The following PGPEP1L variants were observed in gnomAD, a reference collection of about 807,000 sequenced individuals.
PGPEP1L encodes pyroglutamyl-peptidase I like, also known as pyroglutamyl-peptidase 1-like protein.
In PGPEP1L, 7 loss-of-function variants were observed where a neutral mutation model predicts 6.0. The observed-to-expected ratio is 1.17, with a 90% CI of 0.66 to 2.19. PGPEP1L has a LOEUF of 2.19. PGPEP1L is among the 30% of genes most tolerant of loss of function. The pLI, the probability that PGPEP1L is intolerant of heterozygous loss-of-function variation, is 0.00. For synonymous variants in PGPEP1L, 103 were observed against 83.9 expected, an observed-to-expected ratio of 1.23 and a Z score of -1.24; for missense variants, 209 against 192.5, an observed-to-expected ratio of 1.09 and a Z score of -0.51.
rs1200458319 is a variant in PGPEP1L at position 98,968,647 on chromosome 15, C to T, written c.260G>A (p.Cys87Tyr). Residue 87 changes from cysteine to tyrosine, a missense_variant, in exon 5 of 5, where the codon TGC (cysteine) becomes TAC (tyrosine). Coordinates refer to ENST00000535714, the MANE Select transcript of PGPEP1L (RefSeq NM_001167902.2). ...TGGAGGGACATGGATGAGTGCCGCG[C>T]AGCCCTTTCCATGATGCAGAGACAG... ...YYLSLHHGKG[C>Y]AALIHVPPLS... 18 of 1,593,620 alleles carry T rather than the reference C, an allele frequency of 1.1e-5. No homozygotes were observed. Among genetic ancestry groups the T allele is most frequent in the Admixed American group, 1.8e-5 (1 of 56,470 alleles).
chr15:98,989,665 A>G (rs2017793237), intron 2 of PGPEP1L, among the ~76,000 whole-genome samples: 1 of 152,186 alleles, frequency 6.6e-6, no homozygotes, highest in African/African-American at 2.4e-5. Flanking sequence ...GAGCAACCCC[A>G]AGACACATAA....
At chr15:99,006,952 C>A (rs1394491001) in intron 1 of PGPEP1L, among the ~76,000 whole-genome samples, 1 of 152,198 alleles carries the variant, frequency 6.6e-6, no homozygotes, top group African/African-American at 2.4e-5. Flanking sequence ...AAGCACCCTG[C>A]GGCCTCTAGA....
intron 3 of PGPEP1L, among the ~76,000 whole-genome samples, chr15:98,970,286 C>T (rs530842831): frequency 5.9e-5 from 9 of 152,244 alleles, no homozygotes; most frequent in South Asian, 2.1e-4. Flanking sequence ...TCAAGTGATC[C>T]GCCTGCCTCG....
At chr15:98,972,214 G>T (rs536176940) in intron 2 of PGPEP1L, among the ~76,000 whole-genome samples, 1 of 152,000 alleles carries the variant, frequency 6.6e-6, no homozygotes, top group Non-Finnish European at 1.5e-5. Context: ...TTAGCCAGAT[G>T]TGGTGGCAAA....
At chr15:98,980,964 G>T (rs1162149031) in intron 2 of PGPEP1L, among the ~76,000 whole-genome samples, 1 of 151,822 alleles carries the variant, frequency 6.6e-6, no homozygotes, top group Non-Finnish European at 1.5e-5. Context: ...TAACTGTATG[G>T]TAGAGAGGCC....
intron 2 of PGPEP1L, among the ~76,000 whole-genome samples, chr15:99,004,946 T>C (rs1325503686): frequency 6.6e-6 from 1 of 151,816 alleles, no homozygotes; most frequent in Non-Finnish European, 1.5e-5. Context: ...AAGTTCTTAC[T>C]CTGGAAGTGG....
intron 2 of PGPEP1L, among the ~76,000 whole-genome samples, chr15:98,986,436 T>C (rs2017748044): frequency 6.6e-6 from 1 of 152,210 alleles, no homozygotes; most frequent in African/African-American, 2.4e-5. Context: ...CAAAGCTAAG[T>C]AGAGCTTCTT....
intron 2 of PGPEP1L, among the ~76,000 whole-genome samples, chr15:98,999,631 TAGA>T (rs1262479489): frequency 6.6e-6 from 1 of 152,248 alleles, no homozygotes; most frequent in Non-Finnish European, 1.5e-5. Context: ...AAAACGTTCA[TAGA>T]AGCTTTATTT....
chr15:98,984,626 C>G (rs775573165), intron 2 of PGPEP1L, among the ~76,000 whole-genome samples: 1 of 151,464 alleles, frequency 6.6e-6, no homozygotes, highest in Non-Finnish European at 1.5e-5. Flanking sequence ...ATGATTATAC[C>G]TACTATGGAC....
intron 2 of PGPEP1L, among the ~76,000 whole-genome samples, chr15:98,975,969 A>T (rs1163768979): frequency 2.0e-5 from 3 of 152,056 alleles, no homozygotes; most frequent in Non-Finnish European, 4.4e-5. Flanking sequence ...AAGCCAGATT[A>T]AAAAAAAGAC....
At chr15:98,973,705 CTG>C (rs1174094878) in intron 2 of PGPEP1L, among the ~76,000 whole-genome samples, 3 of 152,076 alleles carry the variant, frequency 2.0e-5, no homozygotes, top group African/African-American at 7.2e-5. Flanking sequence ...ACAGCAAAAA[CTG>C]TTCTAAGAGG....
chr15:98,991,326 A>G (rs1202322032), intron 2 of PGPEP1L, among the ~76,000 whole-genome samples: 2 of 152,204 alleles, frequency 1.3e-5, no homozygotes, highest in African/African-American at 4.8e-5. Context: ...AATACTATAA[A>G]CACCTCTACA....
At chr15:99,004,445 C>T (rs545507260) in intron 2 of PGPEP1L, among the ~76,000 whole-genome samples, 16 of 151,678 alleles carry the variant, frequency 1.1e-4, no homozygotes, top group African/African-American at 2.9e-4. Flanking sequence ...TAGGGCCAGG[C>T]GCAGTGGCTC....
At chr15:98,970,714 T>A (rs1177339208) in intron 3 of PGPEP1L, among the ~76,000 whole-genome samples, 1 of 152,170 alleles carries the variant, frequency 6.6e-6, no homozygotes. Context: ...TACCTGCCCC[T>A]CATGGGTATG....
In PGPEP1L at chr15:98,969,603, C is replaced by T. The variant is rs1226356666; in HGVS notation, c.31G>A (p.Glu11Lys). ...TAGCCTTGGTTCTTGCCAGACTGTT[C>T]CAGAATGATCGCCTTGGCGGCGGTG... MDTAAKAIILEQSGKNQGYRD... is the reference protein window; with the variant it reads MDTAAKAIILKQSGKNQGYRD... Residue 11 changes from glutamate (E) to lysine (K), a missense_variant, in exon 4 of 5, where the codon GAA becomes AAA. By Grantham distance (56) the Glu-to-Lys change is moderately conservative (BLOSUM62 1). Transcript: ENST00000535714. The T allele has an allele frequency of 6.2e-7, 1 of 1,613,562 alleles. No individual in the cohort carries two copies. The highest frequency in any genetic ancestry group is 1.7e-5 in the Admixed American group (1 of 60,030).
chr15:98,986,522 G>C (rs893366790), intron 2 of PGPEP1L, among the ~76,000 whole-genome samples: 26 of 152,254 alleles, frequency 1.7e-4, no homozygotes, highest in Non-Finnish European at 1.9e-4. Context: ...GATCCTCCCA[G>C]ACCTCACCCT....
chr15:98,968,361 A>G lies in PGPEP1L; in HGVS notation c.*117T>C, dbSNP rs1567232865. The stretch of plus-strand genomic sequence containing the variant: ...CTTTGTGATTTTGTTGGGCTAATTC[A>G]GAGTTTTCCACCCTCTTTGTCTTAC... On this transcript the variant is annotated 3_prime_UTR_variant, in exon 5 of 5. Transcript: ENST00000535714. The G allele has an allele frequency of 2.0e-6, 2 of 1,011,092 alleles. No homozygotes were observed. Among genetic ancestry groups the G allele is most frequent in the Non-Finnish European group, 2.9e-6 (2 of 685,408 alleles). The allele number at this position is 1,011,092 out of a possible 1,614,324, so 62.6% of individuals were successfully genotyped here. A position where few individuals can be genotyped will look rare whatever the true frequency, so the allele number is the denominator to read the frequency against.
At chr15:98,974,906 A>G (rs2017546970) in intron 2 of PGPEP1L, among the ~76,000 whole-genome samples, 1 of 126,854 alleles carries the variant, frequency 7.9e-6, no homozygotes, top group Admixed American at 8.6e-5. Flanking sequence ...TCAAACAAAA[A>G]CAACAACAAC....
intron 1 of PGPEP1L, among the ~76,000 whole-genome samples, chr15:99,006,328 G>A (rs1476460963): frequency 2.0e-5 from 3 of 152,308 alleles, no homozygotes; most frequent in South Asian, 4.1e-4. Flanking sequence ...TTCTACCTGC[G>A]AAAAGTGCTT....
Sources: allele counts gnomAD v4.1 joint callset (sites outside exome capture counted in the v4.1 genomes callset), GRCh38; gene constraint gnomAD v4.1.1; transcripts MANE v1.5; gene names NCBI Gene and HGNC (gene_info 2026-07-23, HGNC 2026-07-21).